The following ZNF10 variants were observed in gnomAD, a reference collection of about 807,000 sequenced individuals.
The protein encoded by ZNF10 is zinc finger protein 10, also known as zinc finger protein 10 (KOX 1).
In ZNF10, 8 loss-of-function variants were observed where a neutral mutation model predicts 12.2. The observed-to-expected ratio is 0.66, with a 90% CI of 0.39 to 1.18. The LOEUF (loss-of-function observed/expected upper bound fraction) is 1.18, where lower values mean the gene tolerates loss of function less well. Among genes scored for constraint, ZNF10 ranks in the 50% most tolerant of loss-of-function variants. The pLI, the probability that ZNF10 is intolerant of heterozygous loss-of-function variation, is 0.01. For synonymous variants in ZNF10, 229 were observed against 228.2 expected, an observed-to-expected ratio of 1.00 and a Z score of -0.03; for missense variants, 603 against 678.9, an observed-to-expected ratio of 0.89 and a Z score of 1.24.
intron 1 of ZNF10, among the ~76,000 whole-genome samples, chr12:133,136,488 G>A (rs1199841604): frequency 6.6e-6 from 1 of 151,952 alleles, no homozygotes; most frequent in Non-Finnish European, 1.5e-5. Flanking sequence ...TCTTTATCTG[G>A]AGGTTCTCTG....
chr12:133,155,612 G>T lies in ZNF10; in HGVS notation c.366G>T (p.Trp122Cys). The change falls in exon 5 of 5, where the codon TGG becomes TGT. Residue 122 changes from tryptophan (W) to cysteine (C), a missense_variant. Trp to Cys is a radical substitution (Grantham distance 215). This residue lies in a region of ZNF10 where 393 missense variants were observed against 399.7 expected (regional missense o/e 0.98). Transcript: ENST00000248211. ...KMEGMARNDL[W>C]YLSLEEVWKC... The stretch of plus-strand genomic sequence containing the variant: ...AAGGAATGGCAAGGAATGATCTCTG[G>T]TATTTGTCATTAGAAGAAGTCTGGA... 1 of 1,613,984 alleles carries T rather than the reference G, an allele frequency of 6.2e-7. No homozygotes were observed. Among genetic ancestry groups the T allele is most frequent in the Non-Finnish European group, 8.5e-7 (1 of 1,179,966 alleles).
At chr12:133,130,787 ATCG>A (rs1297085762) in intron 1 of ZNF10, 33 bp downstream of exon 1, 6 of 152,288 alleles carry the variant, frequency 3.9e-5, no homozygotes, top group Non-Finnish European at 8.8e-5. Context: ...TTGTGTTTGC[ATCG>A]TCATCAGGCG....
At chr12:133,154,338 G>C (rs559202653) in intron 4 of ZNF10, among the ~76,000 whole-genome samples, 1 of 152,272 alleles carries the variant, frequency 6.6e-6, no homozygotes, top group African/African-American at 2.4e-5. Flanking sequence ...TATGGGTCAG[G>C]CTTCAGATTC....
chr12:133,145,513 A>G (rs970948209), intron 2 of ZNF10, among the ~76,000 whole-genome samples: 2 of 152,112 alleles, frequency 1.3e-5, no homozygotes, highest in African/African-American at 2.4e-5. Flanking sequence ...TCCAATCCAA[A>G]ATTTAAGGTA....
intron 1 of ZNF10, among the ~76,000 whole-genome samples, chr12:133,142,900 C>T (rs1416051552): frequency 6.6e-6 from 1 of 152,110 alleles, no homozygotes; most frequent in African/African-American, 2.4e-5. Flanking sequence ...TATGCCAGTG[C>T]TCATGGCAGT....
At chr12:133,134,839 G>A (rs1955901998) in intron 1 of ZNF10, among the ~76,000 whole-genome samples, 1 of 152,044 alleles carries the variant, frequency 6.6e-6, no homozygotes, top group Non-Finnish European at 1.5e-5. Flanking sequence ...TTTACCATTT[G>A]GAGGTGGGAA....
chr12:133,152,023 G>A, intron 4 of ZNF10, 119 bp downstream of exon 4: 2 of 686,902 alleles, frequency 2.9e-6, no homozygotes, highest in Non-Finnish European at 4.9e-6. Context: ...GGAAGACTGA[G>A]TTTATCTGGC....
At chr12:133,133,063 AT>A (rs1428912726) in intron 1 of ZNF10, among the ~76,000 whole-genome samples, 3 of 152,196 alleles carry the variant, frequency 2.0e-5, no homozygotes, top group Non-Finnish European at 4.4e-5. Context: ...ATTTGTTTAG[AT>A]TTTTCTTTAG....
At chr12:133,149,745 A>G (rs1955996796) in intron 2 of ZNF10, among the ~76,000 whole-genome samples, 2 of 151,898 alleles carry the variant, frequency 1.3e-5, no homozygotes, top group African/African-American at 2.4e-5. Flanking sequence ...AATTAATACA[A>G]TTGGATTTAA....
At chr12:133,154,576 G>T (rs1012796461) in intron 4 of ZNF10, among the ~76,000 whole-genome samples, 1 of 152,088 alleles carries the variant, frequency 6.6e-6, no homozygotes, top group Non-Finnish European at 1.5e-5. Context: ...ATTCTTCAAA[G>T]TTTAGCAACT....
intron 1 of ZNF10, among the ~76,000 whole-genome samples, chr12:133,142,691 TAAC>T (rs1226738614): frequency 3.3e-5 from 5 of 152,112 alleles, no homozygotes; most frequent in Admixed American, 1.3e-4. Flanking sequence ...AAAAATAGAA[TAAC>T]AAGTATTTGG....
chr12:133,150,969 G>T, intron 2 of ZNF10, 59 bp from the exon 3 acceptor site: 1 of 1,581,168 alleles, frequency 6.3e-7, no homozygotes, highest in Non-Finnish European at 8.6e-7. Flanking sequence ...TTAGCGATCA[G>T]GAAAGGGGGA....
At chr12:133,147,227 A>G (rs752135906) in intron 2 of ZNF10, among the ~76,000 whole-genome samples, 1 of 152,212 alleles carries the variant, frequency 6.6e-6, no homozygotes, top group Non-Finnish European at 1.5e-5. Context: ...ATACATTTGC[A>G]TACAGGTTTT....
intron 2 of ZNF10, chr12:133,144,906 G>A (rs1053720456): frequency 3.8e-5 from 17 of 450,278 alleles, no homozygotes; most frequent in Middle Eastern, 6.6e-4. Flanking sequence ...TTGTTTAGAC[G>A]GAGTCTTGCT....
chr12:133,131,309 TA>T (rs1317158871), intron 1 of ZNF10, among the ~76,000 whole-genome samples: 1 of 148,294 alleles, frequency 6.7e-6, no homozygotes, highest in African/African-American at 2.5e-5. Flanking sequence ...TTAATTACTA[TA>T]TTTTTATTTT....
intron 4 of ZNF10, among the ~76,000 whole-genome samples, chr12:133,152,361 C>T (rs996895695): frequency 6.6e-6 from 1 of 152,156 alleles, no homozygotes; most frequent in African/African-American, 2.4e-5. Flanking sequence ...CTCAACTCTC[C>T]TTCCTTTCCA....
chr12:133,138,873 G>A (rs1047525830), intron 1 of ZNF10, among the ~76,000 whole-genome samples: 4 of 152,116 alleles, frequency 2.6e-5, no homozygotes, highest in South Asian at 2.1e-4. Context: ...GTCTGGGTTC[G>A]TACACCTCTT....
chr12:133,146,308 TAAATC>T (rs770680349), intron 2 of ZNF10, among the ~76,000 whole-genome samples: 1 of 152,078 alleles, frequency 6.6e-6, no homozygotes, highest in African/African-American at 2.4e-5. Context: ...ATTGGTGAAA[TAAATC>T]AGAAAGGCAG....
chr12:133,156,808 A>C lies in ZNF10; in HGVS notation c.1562A>C (p.Gln521Pro). The part of the protein sequence containing the change: ...HVGEETYKCN[Q>P]CGIIFSQNSP... Reference sequence around the variant, plus strand: ...GGAGAAGAGACCTATAAATGTAATCAATGTGGCATTATCTTCAGCCAGAAC... The same window carrying C: ...GGAGAAGAGACCTATAAATGTAATCCATGTGGCATTATCTTCAGCCAGAAC... The change falls in exon 5 of 5, where the codon CAA (glutamine) becomes CCA (proline). Residue 521 changes from glutamine to proline, a missense_variant. Gln to Pro is a moderately conservative substitution (Grantham distance 76). Around this residue, in one of 3 missense-constraint regions of ZNF10, gnomAD observed 204 missense variants for 262.8 expected, o/e 0.78. Transcript: ENST00000248211. The C allele has an allele frequency of 6.4e-7, 1 of 1,554,154 alleles. No individual in the cohort carries two copies. Among genetic ancestry groups the C allele is most frequent in the South Asian group, 1.2e-5 (1 of 80,010 alleles).
Sources: allele counts gnomAD v4.1 joint callset (sites outside exome capture counted in the v4.1 genomes callset), GRCh38; gene constraint gnomAD v4.1.1; regional missense constraint gnomAD v4.1.1; transcripts MANE v1.5; gene names NCBI Gene and HGNC (gene_info 2026-07-23, HGNC 2026-07-21).